The following FLVCR1 variants were observed in gnomAD, a reference collection of about 807,000 sequenced individuals.
The protein encoded by FLVCR1 is FLVCR choline and heme transporter 1, also known as choline/ethanolamine transporter FLVCR1.
In FLVCR1, 34 loss-of-function variants were observed where a neutral mutation model predicts 53.6. The observed-to-expected ratio is 0.63, with a 90% confidence interval of 0.48 to 0.84. FLVCR1 has a LOEUF of 0.84. Ranked by LOEUF, FLVCR1 falls within the 40% of genes least tolerant of loss-of-function variation. FLVCR1 has a pLI of 0.00. For synonymous variants in FLVCR1, 300 were observed against 286.3 expected (o/e 1.05, Z -0.48); for missense variants, 677 against 696.7 (o/e 0.97, Z 0.32).
At position 212,897,982 on chromosome 1, in the gene FLVCR1, C is replaced by G. The variant is rs1453660180; in HGVS notation, c.*2692C>G. ...TGACTGTAAATTATGTCGAATCTGA[C>G]CCTGGGGAATGTGTTATCTAAAGAA... On this transcript the variant is annotated 3_prime_UTR_variant, in exon 10 of 10. Coordinates refer to ENST00000366971, the MANE Select transcript of FLVCR1 (RefSeq NM_014053.4). 6.6e-6 allele frequency: 1 copy of G among 152,114 alleles called. No individual in the cohort carries two copies. The highest frequency in any genetic ancestry group is 2.1e-4 in the South Asian group (1 of 4,826). 9.4% of individuals were successfully genotyped at this position (152,114 alleles called of 1,614,324 possible). A position where few individuals can be genotyped will look rare whatever the true frequency, so the allele number is the denominator to read the frequency against.
chr1:212,885,550 C>CT (rs539282150), intron 5 of FLVCR1, 154 bp downstream of exon 5: 77,686 of 293,628 alleles, frequency 0.26, 8,731 homozygotes, highest in African/African-American at 0.46. Flanking sequence ...ACAAGTGTTT[C>CT]TTTTTTTTTT....
Position 212,858,761 on chromosome 1 carries a change from C to G in FLVCR1, c.309C>G (p.Leu103=). The change falls in exon 1 of 10, where the codon CTC becomes CTG. Residue 103 remains leucine, a synonymous_variant. Transcript: ENST00000366971. ...GCAGCCCGCTGCCCCTTACGGCGCT[C>G]TCCCCGCGGCGCTTCGTGGTGCTCC... ...AESSPLPLTA[L]SPRRFVVLLI... 6.2e-7 allele frequency: 1 copy of G among 1,613,820 alleles called. No homozygotes were observed.
At position 212,858,292 on chromosome 1, in the gene FLVCR1, C is replaced by A; in HGVS notation, c.-161C>A. On this transcript the variant is annotated 5_prime_UTR_variant, in exon 1 of 10. Transcript: ENST00000366971. Reference sequence around the variant, plus strand: ...GGGGGAGGAGACCTTCATCTGTTCACGCGGTAGCGCGGATTGCGGTTCGCG... The same window carrying A: ...GGGGGAGGAGACCTTCATCTGTTCAAGCGGTAGCGCGGATTGCGGTTCGCG... The A allele has an allele frequency of 2.8e-6, 2 of 703,324 alleles. No homozygotes were observed. The highest frequency in any genetic ancestry group is 4.4e-6 in the Non-Finnish European group (2 of 449,622). 43.6% of individuals were successfully genotyped at this position (703,324 alleles called of 1,614,324 possible).
At chr1:212,868,288 G>A (rs1481374668) in intron 2 of FLVCR1, among the ~76,000 whole-genome samples, 1 of 152,104 alleles carries the variant, frequency 6.6e-6, no homozygotes, top group Non-Finnish European at 1.5e-5. Flanking sequence ...TTGTAGACAG[G>A]GTTTCACCAT....
At chr1:212,893,070 G>GT (rs917026210) in intron 8 of FLVCR1, among the ~76,000 whole-genome samples, 26 of 148,894 alleles carry the variant, frequency 1.7e-4, no homozygotes, top group East Asian at 4.0e-4. Flanking sequence ...TTTTTTGGGG[G>GT]GGGGTGCCGG....
At position 212,894,858 on chromosome 1, in the gene FLVCR1, TG is replaced by T; in HGVS notation, c.1526-125del. On this transcript the variant is annotated intron_variant, in intron 8 of 9. Coordinates refer to ENST00000366971, the MANE Select transcript of FLVCR1 (RefSeq NM_014053.4). ...GAGGTACTATTATTTTTTAGGCTGT[TG>T]GGATGCTATTAAATATCATGACACT... 12 of 747,700 alleles carry T rather than the reference TG, an allele frequency of 1.6e-5. No individual in the cohort carries two copies. The South Asian group carries it at 1.7e-4, about 11-fold the overall frequency. The allele number at this position is 747,700 out of a possible 1,614,324, so 46.3% of individuals were successfully genotyped here. A position where few individuals can be genotyped will look rare whatever the true frequency, so the allele number is the denominator to read the frequency against.
intron 2 of FLVCR1, among the ~76,000 whole-genome samples, chr1:212,864,995 G>A (rs1205847634): frequency 6.6e-6 from 1 of 151,980 alleles, no homozygotes; most frequent in Non-Finnish European, 1.5e-5. Context: ...CCACTTGTTG[G>A]TTTTGGTTTT....
rs1285916719 is a variant in FLVCR1 at position 212,877,631 on chromosome 1, A to T, written c.1024+4813A>T. On this transcript the variant is annotated intron_variant, in intron 3 of 9. Transcript: ENST00000366971. ...GGATAATTAGATCTTTGTCAGGTGGATAAATTGCAAACATTTTCTCCCATT... is the reference window on the plus strand; with the variant it reads ...GGATAATTAGATCTTTGTCAGGTGGTTAAATTGCAAACATTTTCTCCCATT... Among the ~76,000 whole-genome samples the T allele has an allele frequency of 2.0e-5, 3 of 150,080 alleles. 1 individual carries two copies. Among genetic ancestry groups the T allele is most frequent in the South Asian group, 4.2e-4 (2 of 4,736 alleles).
At chr1:212,880,555 T>C (rs1664893817) in intron 3 of FLVCR1, among the ~76,000 whole-genome samples, 1 of 152,158 alleles carries the variant, frequency 6.6e-6, no homozygotes, top group African/African-American at 2.4e-5. Context: ...TCCAGCACTT[T>C]GGTAGGACAA....
chr1:212,886,065 G>A (rs577873078), intron 5 of FLVCR1, among the ~76,000 whole-genome samples: 12 of 91,068 alleles, frequency 1.3e-4, no homozygotes, highest in African/African-American at 6.9e-4. Flanking sequence ...TTTTTTAGGT[G>A]GGGTCTCACT....
chr1:212,886,851 A>C (rs1417345219), intron 5 of FLVCR1, among the ~76,000 whole-genome samples: 1 of 152,154 alleles, frequency 6.6e-6, no homozygotes, highest in African/African-American at 2.4e-5. Flanking sequence ...ATTATATGGA[A>C]CCACCAAAAG....
intron 1 of FLVCR1, among the ~76,000 whole-genome samples, chr1:212,863,460 G>A (rs1664308987): frequency 1.3e-5 from 2 of 151,678 alleles, no homozygotes; most frequent in South Asian, 2.1e-4. Context: ...GTTGTGGCGC[G>A]CGCCTGTAAT....
At chr1:212,860,711 C>T (rs1664209731) in intron 1 of FLVCR1, among the ~76,000 whole-genome samples, 1 of 152,138 alleles carries the variant, frequency 6.6e-6, no homozygotes, top group African/African-American at 2.4e-5. Context: ...TTGTAAGTTT[C>T]ATGAAAATAG....
chr1:212,887,387 T>C (rs1665087697), intron 5 of FLVCR1, among the ~76,000 whole-genome samples: 2 of 152,236 alleles, frequency 1.3e-5, no homozygotes, highest in African/African-American at 4.8e-5. Flanking sequence ...AGATGAAAAT[T>C]ATGGCTGGCA....
chr1:212,885,451 A>G, intron 5 of FLVCR1, 55 bp downstream of exon 5: 1 of 1,382,654 alleles, frequency 7.2e-7, no homozygotes, highest in Non-Finnish European at 1.0e-6. Flanking sequence ...TTGATTTTAA[A>G]GGACAATTTG....
chr1:212,863,608 T>C, intron 1 of FLVCR1, 117 bp from the exon 2 acceptor site: 1 of 899,864 alleles, frequency 1.1e-6, no homozygotes, highest in South Asian at 1.5e-5. Context: ...AACATAATAG[T>C]TTAATTTTCA....
chr1:212,877,397 T>G (rs1267620427), intron 3 of FLVCR1, among the ~76,000 whole-genome samples: 1 of 152,024 alleles, frequency 6.6e-6, no homozygotes, highest in African/African-American at 2.4e-5. Context: ...TAATTTTTAG[T>G]AGAGACGGGG....
chr1:212,897,062 A>C lies in FLVCR1; in HGVS notation c.*1772A>C, dbSNP rs1023701817. The stretch of plus-strand genomic sequence containing the variant: ...CAGGCGCCTGTAATCCCAGCTACTC[A>C]GGAGGCTGAGGCAGGAGAATCGCTT... On this transcript the variant is annotated 3_prime_UTR_variant, in exon 10 of 10. Coordinates refer to ENST00000366971, the MANE Select transcript of FLVCR1 (RefSeq NM_014053.4). 1.7e-5 allele frequency: 1 copy of C among 58,324 alleles called. No homozygotes were observed. The highest frequency in any genetic ancestry group is 3.8e-5 in the African/African-American group (1 of 26,650). 3.6% of individuals were successfully genotyped at this position (58,324 alleles called of 1,614,324 possible). A position where few individuals can be genotyped will look rare whatever the true frequency, so the allele number is the denominator to read the frequency against.
chr1:212,890,260 C>A (rs1283118456), intron 8 of FLVCR1, among the ~76,000 whole-genome samples: 1 of 152,150 alleles, frequency 6.6e-6, no homozygotes, highest in East Asian at 1.9e-4. Context: ...ATTCCCTAAA[C>A]ATTATAGTAT....
Sources: allele counts gnomAD v4.1 joint callset (sites outside exome capture counted in the v4.1 genomes callset), GRCh38; gene constraint gnomAD v4.1.1; transcripts MANE v1.5; gene names NCBI Gene and HGNC (gene_info 2026-07-23, HGNC 2026-07-21).